SAMD12: variants seen among roughly 807,000 people sequenced by gnomAD.
The protein encoded by SAMD12 is sterile alpha motif domain-containing protein 12.
A neutral mutation model predicts 15.0 loss-of-function variants in SAMD12; 9 were observed. The observed-to-expected ratio is 0.60, with a 90% CI of 0.36 to 1.05. The LOEUF (loss-of-function observed/expected upper bound fraction) is 1.05. Ranked by LOEUF, SAMD12 falls within the 50% of genes least tolerant of loss-of-function variation. The pLI is 0.01. For missense variants in SAMD12, 230 were observed against 234.2 expected, an observed-to-expected ratio of 0.98 and a Z score of 0.12; for synonymous variants, 86 against 90.1, an observed-to-expected ratio of 0.96 and a Z score of 0.25.
chr8:118,329,986 GGAA>G (rs1285209643), intron 4 of SAMD12, among the ~76,000 whole-genome samples: 2 of 152,118 alleles, frequency 1.3e-5, no homozygotes, highest in East Asian at 1.9e-4. Flanking sequence ...GTTTGTAGGA[GGAA>G]GAAGAACTCG....
chr8:118,616,092 A>C (rs375441986), intron 1 of SAMD12, among the ~76,000 whole-genome samples: 59 of 152,388 alleles, frequency 3.9e-4, no homozygotes, highest in African/African-American at 1.4e-3. Context: ...AATAAAAATA[A>C]GAAAAAAAGA....
At chr8:118,453,438 A>G (rs1806233369) in intron 2 of SAMD12, among the ~76,000 whole-genome samples, 1 of 152,132 alleles carries the variant, frequency 6.6e-6, no homozygotes, top group African/African-American at 2.4e-5. Context: ...TTCTTTTTTC[A>G]TATGCCAGCA....
intron 2 of SAMD12, among the ~76,000 whole-genome samples, chr8:118,442,328 A>G (rs1436663280): frequency 6.6e-6 from 1 of 152,212 alleles, no homozygotes; most frequent in Non-Finnish European, 1.5e-5. Flanking sequence ...TTGCTATTTA[A>G]TCAGCAGTGA....
At chr8:118,497,729 G>T (rs1239647670) in intron 2 of SAMD12, among the ~76,000 whole-genome samples, 3 of 115,422 alleles carry the variant, frequency 2.6e-5, no homozygotes, top group African/African-American at 3.8e-5. Context: ...GTTGCGGGGG[G>T]GGGTGGGGGG....
chr8:118,389,706 C>T (rs1820163921), intron 3 of SAMD12, among the ~76,000 whole-genome samples: 1 of 150,536 alleles, frequency 6.6e-6, no homozygotes, highest in South Asian at 2.1e-4. Context: ...CAGAGCAAGA[C>T]TCCATTTCAA....
chr8:118,312,582 A>C (rs533541668), intron 4 of SAMD12, among the ~76,000 whole-genome samples: 1 of 152,140 alleles, frequency 6.6e-6, no homozygotes, highest in African/African-American at 2.4e-5. Context: ...TCTCCTCCTC[A>C]TTTAAATATG....
At chr8:118,207,328 C>T (rs1819888526) in intron 4 of SAMD12, among the ~76,000 whole-genome samples, 1 of 152,058 alleles carries the variant, frequency 6.6e-6, no homozygotes. Flanking sequence ...ATGCTCTCAG[C>T]AGGGATGCAT....
At position 118,473,125 on chromosome 8, in the gene SAMD12, T is replaced by C. The variant is rs145097215; in HGVS notation, c.193-33164A>G. Among the ~76,000 whole-genome samples the C allele has an allele frequency of 1.3e-3, 198 of 152,078 alleles. 1 individual carries two copies. Among genetic ancestry groups the C allele is most frequent in the Non-Finnish European group, 2.5e-3 (167 of 68,008 alleles). On this transcript the variant is annotated intron_variant, in intron 2 of 3. Coordinates refer to ENST00000314727, the MANE Select transcript of SAMD12 (RefSeq NM_207506.3). ...CAAGGTATGTCGCTCCCTGCCTGCT[T>C]CAAAGCAGTTCTGGCAGTGGCTCCT...
chr8:118,299,832 T>TTTGTTGTTG (rs915613624), intron 4 of SAMD12, among the ~76,000 whole-genome samples: 1 of 151,948 alleles, frequency 6.6e-6, no homozygotes, highest in East Asian at 1.9e-4. Flanking sequence ...AACTTAGTTT[T>TTTGTTGTTG]TTGTTGTTGT....
intron 3 of SAMD12, among the ~76,000 whole-genome samples, chr8:118,411,143 CAGA>C (rs1422253556): frequency 1.3e-5 from 2 of 152,050 alleles, no homozygotes; most frequent in Non-Finnish European, 2.9e-5. Context: ...AGTACATTTC[CAGA>C]AGAATATCAA....
the SAMD12 span, among the ~76,000 whole-genome samples, chr8:118,177,293 T>C: frequency 1.3e-5 from 2 of 151,398 alleles, no homozygotes; most frequent in Admixed American, 6.6e-5. Flanking sequence ...CAGGCTAAAG[T>C]GCAGTGGTAC....
At chr8:118,434,799 T>C (rs1014666680) in intron 3 of SAMD12, among the ~76,000 whole-genome samples, 1 of 152,136 alleles carries the variant, frequency 6.6e-6, no homozygotes, top group Non-Finnish European at 1.5e-5. Flanking sequence ...ACCGTCTTAT[T>C]CTTTTTAAAG....
intron 3 of SAMD12, among the ~76,000 whole-genome samples, chr8:118,399,390 C>T (rs1418836464): frequency 6.6e-6 from 1 of 152,048 alleles, no homozygotes; most frequent in African/African-American, 2.4e-5. Flanking sequence ...TAAAGAACTC[C>T]CCAGCTGCTT....
At chr8:118,406,554 A>T (rs1821139743) in intron 3 of SAMD12, among the ~76,000 whole-genome samples, 1 of 152,126 alleles carries the variant, frequency 6.6e-6, no homozygotes, top group South Asian at 2.1e-4. Flanking sequence ...GATTACAGTC[A>T]TGAGGTACTG....
the SAMD12 span, among the ~76,000 whole-genome samples, chr8:118,155,543 G>A: frequency 1.3e-5 from 2 of 152,190 alleles, no homozygotes; most frequent in African/African-American, 2.4e-5. Flanking sequence ...AATTGCATGG[G>A]CACCAGAAAG....
intron 4 of SAMD12, among the ~76,000 whole-genome samples, chr8:118,370,699 C>G (rs147917195): frequency 2.0e-5 from 3 of 152,302 alleles, no homozygotes; most frequent in Non-Finnish European, 2.9e-5. Flanking sequence ...AAACCAAATA[C>G]TTCATGTTCT....
chr8:118,335,613 T>C (rs373248637), intron 4 of SAMD12, among the ~76,000 whole-genome samples: 23 of 152,200 alleles, frequency 1.5e-4, no homozygotes, highest in African/African-American at 4.3e-4. Context: ...AGTTGTGCCA[T>C]GCTATCTACC....
intron 2 of SAMD12, among the ~76,000 whole-genome samples, chr8:118,467,909 T>C (rs957688074): frequency 9.9e-5 from 15 of 152,188 alleles, no homozygotes; most frequent in Non-Finnish European, 4.4e-5. Context: ...AAAAGACTCA[T>C]GGCATTATGG....
At chr8:118,166,334 C>T in the SAMD12 span, among the ~76,000 whole-genome samples, 1 of 152,180 alleles carries the variant, frequency 6.6e-6, no homozygotes, top group Non-Finnish European at 1.5e-5. Context: ...CTGATTCAAA[C>T]CTATCTAGGA....
Sources: allele counts gnomAD v4.1 joint callset (sites outside exome capture counted in the v4.1 genomes callset), GRCh38; gene constraint gnomAD v4.1.1; transcripts MANE v1.5; gene names NCBI Gene and HGNC (gene_info 2026-07-23, HGNC 2026-07-21).